The following CHRM3 variants were observed in gnomAD, a reference collection of about 807,000 sequenced individuals.
CHRM3 encodes muscarinic acetylcholine receptor M3.
In CHRM3, 11 loss-of-function variants were observed where a neutral mutation model predicts 41.8. The ratio of observed to expected loss-of-function variants is 0.26; its 90% CI spans 0.17 to 0.44. The LOEUF (loss-of-function observed/expected upper bound fraction) is 0.44, where lower values mean the gene tolerates loss of function less well. Among genes scored for constraint, CHRM3 ranks in the 20% least tolerant of loss-of-function variants. CHRM3 has a pLI of 1.00. For missense variants in CHRM3, 571 were observed against 745.4 expected (o/e 0.77, Z 2.72); for synonymous variants, 297 against 301.4 (o/e 0.99, Z 0.15).
intron 5 of CHRM3, among the ~76,000 whole-genome samples, chr1:239,797,685 C>T (rs1364883794): frequency 6.6e-6 from 1 of 152,050 alleles, no homozygotes; most frequent in Non-Finnish European, 1.5e-5. Context: ...GTGAGGTAAC[C>T]AGGGCATATT....
At chr1:239,609,191 C>G (rs1666710197) in intron 3 of CHRM3, among the ~76,000 whole-genome samples, 1 of 152,146 alleles carries the variant, frequency 6.6e-6, no homozygotes, top group Admixed American at 6.6e-5. Flanking sequence ...GATATGCTTT[C>G]TGTCAGTATA....
At chr1:239,878,699 T>G (rs1677329832) in intron 6 of CHRM3, among the ~76,000 whole-genome samples, 2 of 152,056 alleles carry the variant, frequency 1.3e-5, no homozygotes, top group South Asian at 2.1e-4. Flanking sequence ...CCAGGTAGCT[T>G]GTCGGACATG....
Position 239,790,690 on chromosome 1 carries a change from A to G in CHRM3, c.-146-36562A>G, listed in dbSNP as rs964633490. Among the ~76,000 whole-genome samples the G allele has an allele frequency of 5.9e-5, 9 of 152,362 alleles. 2 individuals are homozygous for G. Among genetic ancestry groups the G allele is most frequent in the Admixed American group, 5.2e-4 (8 of 15,312 alleles). On this transcript the variant is annotated intron_variant, in intron 5 of 6. Coordinates refer to ENST00000676153, the MANE Select transcript of CHRM3 (RefSeq NM_001375978.1). ...TCTAGCCTGGCAATTGTGGAAACCT[A>G]GGCAGAGAATCACAAAGCTGTTAGC...
chr1:239,664,929 T>A (rs1451645678), intron 4 of CHRM3, among the ~76,000 whole-genome samples: 3 of 151,868 alleles, frequency 2.0e-5, no homozygotes, highest in Admixed American at 2.0e-4. Flanking sequence ...AAACCAATGT[T>A]CTCCTAGAGA....
At chr1:239,481,154 T>A (rs1407184628) in intron 1 of CHRM3, among the ~76,000 whole-genome samples, 1 of 152,144 alleles carries the variant, frequency 6.6e-6, no homozygotes, top group African/African-American at 2.4e-5. Flanking sequence ...GACATATAAT[T>A]TTGAATGGAA....
chr1:239,816,584 G>A (rs1026240780), intron 5 of CHRM3, among the ~76,000 whole-genome samples: 3 of 152,040 alleles, frequency 2.0e-5, no homozygotes, highest in African/African-American at 7.2e-5. Flanking sequence ...CCTGGTCCAG[G>A]AAGTACCAAG....
chr1:239,531,000 A>G (rs544758415), intron 2 of CHRM3, among the ~76,000 whole-genome samples: 1 of 152,182 alleles, frequency 6.6e-6, no homozygotes, highest in Non-Finnish European at 1.5e-5. Flanking sequence ...AGTCAGAGAA[A>G]CATAAAGAGA....
chr1:239,630,433 A>G (rs1363780338), intron 3 of CHRM3, among the ~76,000 whole-genome samples: 1 of 152,204 alleles, frequency 6.6e-6, no homozygotes, highest in Non-Finnish European at 1.5e-5. Flanking sequence ...GGACTGACAC[A>G]TGGTTAAATG....
intron 3 of CHRM3, among the ~76,000 whole-genome samples, chr1:239,615,041 A>G (rs1282367438): frequency 6.6e-6 from 1 of 152,198 alleles, no homozygotes; most frequent in African/African-American, 2.4e-5. Flanking sequence ...CAAATAAGCC[A>G]GGTATGGAGC....
intron 5 of CHRM3, among the ~76,000 whole-genome samples, chr1:239,740,844 A>C (rs1016443237): frequency 6.6e-6 from 1 of 152,212 alleles, no homozygotes; most frequent in Admixed American, 6.5e-5. Flanking sequence ...GTGGAGAAAT[A>C]AGAATGCTTT....
intron 5 of CHRM3, among the ~76,000 whole-genome samples, chr1:239,794,368 A>G (rs188735229): frequency 1.1e-3 from 166 of 146,040 alleles, no homozygotes; most frequent in African/African-American, 3.9e-3. Context: ...TGCCTCTCCC[A>G]CTTATTAATT....
At chr1:239,726,482 C>T (rs1164628326) in intron 5 of CHRM3, among the ~76,000 whole-genome samples, 1 of 151,836 alleles carries the variant, frequency 6.6e-6, no homozygotes, top group Non-Finnish European at 1.5e-5. Context: ...TGTTCATTTG[C>T]CTCGTGGCTG....
chr1:239,660,106 A>C (rs188504507), intron 4 of CHRM3, among the ~76,000 whole-genome samples: 44 of 152,260 alleles, frequency 2.9e-4, no homozygotes, highest in African/African-American at 1.1e-3. Flanking sequence ...TGCTACAGGC[A>C]CATGCCATCA....
intron 3 of CHRM3, among the ~76,000 whole-genome samples, chr1:239,554,729 C>CTTT (rs750207504): frequency 4.1e-5 from 5 of 122,974 alleles, no homozygotes; most frequent in Non-Finnish European, 8.3e-5. Context: ...GTATTTCTTT[C>CTTT]TTTTTTTTTT....
chr1:239,440,244 C>A (rs992740128), intron 1 of CHRM3, among the ~76,000 whole-genome samples: 1 of 149,212 alleles, frequency 6.7e-6, no homozygotes, highest in Non-Finnish European at 1.5e-5. Context: ...AATTTAGAGA[C>A]CTGAGCCTGA....
chr1:239,585,634 A>G lies in CHRM3; in HGVS notation c.-313+39885A>G, dbSNP rs188377555. 2.0e-5 allele frequency among the ~76,000 whole-genome samples: 3 copies of G among 152,332 alleles called. No homozygotes were observed. The East Asian group carries it at 5.8e-4, about 29-fold the overall frequency. ...CTAACCATCACAGTTTGAGATGGGA[A>G]TAAATGCTTGGCAGGTATACTACTA... On this transcript the variant is annotated intron_variant, in intron 3 of 6. Coordinates refer to ENST00000676153, the MANE Select transcript of CHRM3 (RefSeq NM_001375978.1).
intron 1 of CHRM3, among the ~76,000 whole-genome samples, chr1:239,420,242 C>A (rs7538577): frequency 0.018 from 2,754 of 152,302 alleles, 66 homozygotes; most frequent in East Asian, 0.064. Context: ...TTATTGTACT[C>A]AACTGTTTCT....
At chr1:239,832,476 G>A (rs530384697) in intron 6 of CHRM3, among the ~76,000 whole-genome samples, 1 of 152,102 alleles carries the variant, frequency 6.6e-6, no homozygotes, top group African/African-American at 2.4e-5. Flanking sequence ...AGAAGCCCTC[G>A]TAGCCTTCCT....
At chr1:239,677,692 T>A (rs1571952801) in intron 4 of CHRM3, among the ~76,000 whole-genome samples, 1 of 152,210 alleles carries the variant, frequency 6.6e-6, no homozygotes, top group African/African-American at 2.4e-5. Context: ...CATAGCTTAA[T>A]CACCTCTTAA....
Sources: allele counts gnomAD v4.1 joint callset (sites outside exome capture counted in the v4.1 genomes callset), GRCh38; gene constraint gnomAD v4.1.1; transcripts MANE v1.5; gene names NCBI Gene and HGNC (gene_info 2026-07-23, HGNC 2026-07-21).